PCDHGA7: variants seen among roughly 807,000 people sequenced by gnomAD.
PCDHGA7 encodes the protein protocadherin gamma-A7.
A neutral mutation model predicts 58.3 loss-of-function variants in PCDHGA7; 44 were observed. The ratio of observed to expected loss-of-function variants is 0.75; its 90% CI spans 0.59 to 0.97. The LOEUF (loss-of-function observed/expected upper bound fraction) is 0.97. Ranked by LOEUF, PCDHGA7 falls within the 50% of genes least tolerant of loss-of-function variation. The probability of loss-of-function intolerance (pLI) is 0.00; values close to 1 mark genes in which losing one functional copy is unlikely to be tolerated. For missense variants in PCDHGA7, 1,266 were observed against 1,188.7 expected, an observed-to-expected ratio of 1.06 and a Z score of -0.96; for synonymous variants, 516 against 504.2, an observed-to-expected ratio of 1.02 and a Z score of -0.31.
At chr5:141,406,002 A>G (rs1348687108) in intron 1 of PCDHGA7, among the ~76,000 whole-genome samples, 1 of 151,598 alleles carries the variant, frequency 6.6e-6, no homozygotes, top group Non-Finnish European at 1.5e-5. Flanking sequence ...CTCAGCCTGC[A>G]TTGATGTGGG....
At chr5:141,483,816 A>G (rs2099587505) in intron 1 of PCDHGA7, among the ~76,000 whole-genome samples, 1 of 152,172 alleles carries the variant, frequency 6.6e-6, no homozygotes, top group Admixed American at 6.5e-5. Context: ...TTTGGCAGCC[A>G]GTGTAACCTA....
chr5:141,438,513 A>G (rs2097964808), intron 1 of PCDHGA7, among the ~76,000 whole-genome samples: 1 of 148,768 alleles, frequency 6.7e-6, no homozygotes, highest in Non-Finnish European at 1.5e-5. Context: ...TGCAAAACCA[A>G]TTATTTTACA....
intron 1 of PCDHGA7, among the ~76,000 whole-genome samples, chr5:141,452,300 T>C (rs886540131): frequency 2.0e-5 from 3 of 152,194 alleles, no homozygotes; most frequent in African/African-American, 7.2e-5. Flanking sequence ...TAAGAAAATA[T>C]TAGAGACTCA....
intron 1 of PCDHGA7, chr5:141,428,054 G>A (rs763394113): frequency 6.2e-7 from 1 of 1,609,038 alleles, no homozygotes; most frequent in Admixed American, 1.7e-5. Context: ...CCAAGGTGGT[G>A]GCGGTGGACG....
chr5:141,448,449 T>A (rs528049717), intron 1 of PCDHGA7, among the ~76,000 whole-genome samples: 1 of 152,166 alleles, frequency 6.6e-6, no homozygotes, highest in Non-Finnish European at 1.5e-5. Context: ...CTGACTTCCA[T>A]CCCTATCCTA....
At chr5:141,413,336 A>G (rs1561741680) in intron 1 of PCDHGA7, 1 of 1,613,972 alleles carries the variant, frequency 6.2e-7, no homozygotes, top group Non-Finnish European at 8.5e-7. Flanking sequence ...AACATCTCCA[A>G]GGACTTGGGT....
intron 1 of PCDHGA7, chr5:141,403,361 A>T (rs760277157): frequency 3.1e-6 from 5 of 1,614,050 alleles, no homozygotes; most frequent in Middle Eastern, 1.6e-4. Context: ...CCAGGCCGAA[A>T]GTCTGGAAGT....
At chr5:141,494,938 G>A in intron 2 of PCDHGA7, 73 bp downstream of exon 2, 1 of 1,611,916 alleles carries the variant, frequency 6.2e-7, no homozygotes, top group South Asian at 1.1e-5. Context: ...AGGAGATGGG[G>A]GAGGGCCCAG....
chr5:141,449,708 AT>A (rs2098652573), intron 1 of PCDHGA7, among the ~76,000 whole-genome samples: 1 of 151,520 alleles, frequency 6.6e-6, no homozygotes. Context: ...CAAACACATT[AT>A]TTTTATATGA....
intron 1 of PCDHGA7, among the ~76,000 whole-genome samples, chr5:141,450,685 C>T (rs542985781): frequency 6.6e-6 from 1 of 152,020 alleles, no homozygotes; most frequent in South Asian, 2.1e-4. Context: ...CGGGGTTTTG[C>T]CATGTTGCCC....
At position 141,476,453 on chromosome 5, in the gene PCDHGA7, G is replaced by A. The variant is rs1432113874; in HGVS notation, c.2425-18354G>A. 3 of 1,614,138 alleles carry A rather than the reference G, an allele frequency of 1.9e-6. No individual in the cohort carries two copies. The East Asian group carries it at 6.7e-5, about 36-fold the overall frequency. ...CACTGTAACTCTGGAGTTGGTAGTG[G>A]AGAACCCGCTGGAGCTGTTCAGCGT... On this transcript the variant is annotated intron_variant, in intron 1 of 3. Transcript: ENST00000518325. The surrounding 1 kb of genome is among the most constrained non-coding windows in gnomAD (Gnocchi z 7.6).
rs140199351 is a variant in PCDHGA7, at chr5:141,465,921, G to C, written c.2425-28886G>C. Among the ~76,000 whole-genome samples, 1,515 of 152,146 alleles carry C rather than the reference G, an allele frequency of 1.0e-2. 24 individuals carry two copies. The highest frequency in any genetic ancestry group is 0.034 in the African/African-American group (1,400 of 41,520). On this transcript the variant is annotated intron_variant, in intron 1 of 3. Transcript: ENST00000518325. ...GCAAATCACGAGGTCAGGATTTCGA[G>C]TCCATCCTGGCTAACATGGTGAAAC...
chr5:141,490,128 C>T lies in PCDHGA7; in HGVS notation c.2425-4679C>T, dbSNP rs970815408. 1.2e-6 allele frequency: 2 copies of T among 1,614,254 alleles called. No homozygotes were observed. Among genetic ancestry groups the T allele is most frequent in the Non-Finnish European group, 8.5e-7 (1 of 1,180,042 alleles). ...CAGTGCGGAACCTCTTTGGCCTAGA[C>T]CCTAGCAGTGGGGCAATCCATGTGT... On this transcript the variant is annotated intron_variant, in intron 1 of 3. Transcript: ENST00000518325. The surrounding 1 kb of genome is among the most constrained non-coding windows in gnomAD (Gnocchi z 5.4).
intron 1 of PCDHGA7, among the ~76,000 whole-genome samples, chr5:141,449,413 C>G (rs2098637966): frequency 6.6e-6 from 1 of 151,656 alleles, no homozygotes; most frequent in African/African-American, 2.4e-5. Flanking sequence ...TCAAGACCAG[C>G]CTGGCCAACA....
chr5:141,393,520 A>G, intron 1 of PCDHGA7: 2 of 1,614,038 alleles, frequency 1.2e-6, no homozygotes, highest in Non-Finnish European at 1.7e-6. Context: ...TTGGATACAA[A>G]TGACAATGCC....
At position 141,485,396 on chromosome 5, in the gene PCDHGA7, T is replaced by C. The variant is rs1466959644; in HGVS notation, c.2425-9411T>C. 2.5e-6 allele frequency: 4 copies of C among 1,614,042 alleles called. No homozygotes were observed. Among genetic ancestry groups the C allele is most frequent in the Non-Finnish European group, 3.4e-6 (4 of 1,179,960 alleles). On this transcript the variant is annotated intron_variant, in intron 1 of 3. Coordinates refer to ENST00000518325, the MANE Select transcript of PCDHGA7 (RefSeq NM_018920.4). The surrounding 1 kb of genome is among the most constrained non-coding windows in gnomAD (Gnocchi z 5.7). ...CGCTGGAGAGGTGAACCAAAGACAC[T>C]TCCGTGTGGATTTGGACAGCGGAGC...
rs766133958 is a variant in PCDHGA7, at chr5:141,403,000, A to G, written c.2424+17677A>G. 27 of 1,613,862 alleles carry G rather than the reference A, an allele frequency of 1.7e-5. No individual in the cohort carries two copies. Among genetic ancestry groups the G allele is most frequent in the Middle Eastern group, 1.6e-4 (1 of 6,082 alleles). ...AGCTCCGCGGAAGATTAGTCCTGCT[A>G]TGCTCGCTCCTGGGGATGCTATGGG... On this transcript the variant is annotated intron_variant, in intron 1 of 3. Transcript: ENST00000518325.
rs1027897777 is a variant in PCDHGA7, at chr5:141,510,812, C to T, written c.2573-135C>T. 151 of 1,531,674 alleles carry T rather than the reference C, an allele frequency of 9.9e-5. 1 individual carries two copies. The highest frequency in any genetic ancestry group is 2.5e-5 in the South Asian group (2 of 80,152). 94.9% of individuals were successfully genotyped at this position (1,531,674 alleles called of 1,614,324 possible). A position where few individuals can be genotyped will look rare whatever the true frequency, so the allele number is the denominator to read the frequency against. On this transcript the variant is annotated intron_variant, in intron 3 of 3. Coordinates refer to ENST00000518325, the MANE Select transcript of PCDHGA7 (RefSeq NM_018920.4). ...TGTGAAGAGAGACTACCTTGGTGAC[C>T]CCTATATTCCCAGTGCTCAGCGTGG...
At chr5:141,395,547 TGTGTGTGTGTGTGTGTGTG>T (rs2093270842) in intron 1 of PCDHGA7, 3 of 174,256 alleles carry the variant, frequency 1.7e-5, no homozygotes, top group Non-Finnish European at 3.5e-5. Flanking sequence ...ATTGTTTGTG[TGTGTGTGTGTGTGTGTGTG>T]TGTGTGTGTG....
Sources: gnomAD v4.1 joint callset for allele counts (sites outside exome capture counted in the v4.1 genomes callset) on GRCh38, gnomAD v4.1.1 for gene constraint, Gnocchi (gnomAD v3.1) non-coding constraint, MANE v1.5 for transcripts, NCBI Gene and HGNC (gene_info 2026-07-23, HGNC 2026-07-21) for gene names.